TOPBP1: variants seen among roughly 807,000 people sequenced by gnomAD.
TOPBP1 encodes the protein DNA topoisomerase 2-binding protein 1.
A neutral mutation model predicts 167.7 loss-of-function variants in TOPBP1; 28 were observed. The observed-to-expected ratio is 0.17, with a 90% CI of 0.12 to 0.23. TOPBP1 has a LOEUF of 0.23. TOPBP1 is among the 10% of genes least tolerant of loss of function. TOPBP1 has a pLI of 1.00. For missense variants in TOPBP1, 1,554 were observed against 1,809.6 expected (o/e 0.86, Z 2.56); for synonymous variants, 598 against 611.4 (o/e 0.98, Z 0.32).
intron 12 of TOPBP1, among the ~76,000 whole-genome samples, chr3:133,641,843 A>G (rs1300552761): frequency 1.3e-5 from 2 of 152,216 alleles, no homozygotes; most frequent in African/African-American, 4.8e-5. Context: ...AAACAGCAAA[A>G]AAAGAAATAT....
intron 19 of TOPBP1, among the ~76,000 whole-genome samples, chr3:133,620,899 C>T (rs1490030760): frequency 2.0e-5 from 3 of 151,952 alleles, no homozygotes; most frequent in Non-Finnish European, 4.4e-5. Context: ...TTCATCAAGA[C>T]CTGTAGTGAT....
Position 133,649,773 on chromosome 3 carries a change from A to G in TOPBP1, c.1253+7T>C. ...AGAAATTGCTTTGAATTAAAAACGA[A>G]AAAAACCTGTGGGCTGATTTATTCC... On this transcript the variant is annotated splice_region_variant and intron_variant, in intron 9 of 27. Transcript: ENST00000260810. The G allele has an allele frequency of 6.3e-7, 1 of 1,585,146 alleles. No homozygotes were observed. The highest frequency in any genetic ancestry group is 1.7e-4 in the Middle Eastern group (1 of 5,878).
intron 3 of TOPBP1, among the ~76,000 whole-genome samples, chr3:133,658,650 A>C (rs1231181529): frequency 6.6e-6 from 1 of 152,034 alleles, no homozygotes. Context: ...CTCTACTAAA[A>C]ATAAAAAAAT....
At chr3:133,619,133 C>CA (rs748052520) in intron 20 of TOPBP1, among the ~76,000 whole-genome samples, 2 of 115,666 alleles carry the variant, frequency 1.7e-5, no homozygotes, top group African/African-American at 2.9e-5. Flanking sequence ...AAACAAAAAA[C>CA]AAAAAACAAA....
chr3:133,616,708 T>C (rs1431539148), intron 23 of TOPBP1, 106 bp downstream of exon 23: 2 of 620,764 alleles, frequency 3.2e-6, no homozygotes, highest in Non-Finnish European at 5.1e-6. Context: ...CCCATGTTCT[T>C]TTCCTCTACT....
intron 20 of TOPBP1, among the ~76,000 whole-genome samples, chr3:133,618,884 T>G (rs1249373456): frequency 1.3e-5 from 2 of 152,134 alleles, no homozygotes; most frequent in African/African-American, 4.8e-5. Flanking sequence ...CATGGGAGGC[T>G]TGCTGTAAAG....
At chr3:133,630,580 G>A (rs1217571943) in intron 14 of TOPBP1, among the ~76,000 whole-genome samples, 4 of 151,594 alleles carry the variant, frequency 2.6e-5, no homozygotes, top group Admixed American at 6.6e-5. Flanking sequence ...TTACAGGTGT[G>A]AGTCACGGTG....
intron 14 of TOPBP1, among the ~76,000 whole-genome samples, chr3:133,634,233 G>C (rs1002837857): frequency 6.6e-6 from 1 of 152,238 alleles, no homozygotes; most frequent in African/African-American, 2.4e-5. Context: ...AAAAGGCCAG[G>C]TGTTGTGGCT....
chr3:133,635,038 G>A (rs945636164), intron 14 of TOPBP1, among the ~76,000 whole-genome samples: 1 of 152,134 alleles, frequency 6.6e-6, no homozygotes, highest in Non-Finnish European at 1.5e-5. Flanking sequence ...CAATTAGTGG[G>A]AGTCAAAAAT....
chr3:133,615,712 A>G (rs896618823), intron 23 of TOPBP1, among the ~76,000 whole-genome samples: 2 of 152,158 alleles, frequency 1.3e-5, no homozygotes, highest in African/African-American at 4.8e-5. Flanking sequence ...AAACTCACTG[A>G]TATTTTATCT....
chr3:133,623,024 A>T, intron 19 of TOPBP1, 67 bp downstream of exon 19: 1 of 897,154 alleles, frequency 1.1e-6, no homozygotes, highest in Non-Finnish European at 1.7e-6. Flanking sequence ...ACAAGACCCC[A>T]TCTCCACAAA....
chr3:133,618,152 T>C (rs747466077), intron 21 of TOPBP1, 61 bp downstream of exon 21: 1 of 1,398,462 alleles, frequency 7.2e-7, no homozygotes, highest in Non-Finnish European at 1.0e-6. Context: ...CTCATCTGTT[T>C]ATTTTTAAGA....
rs1480847341 is a variant in TOPBP1, at chr3:133,638,098, A to G, written c.2298T>C (p.Pro766=). 1 of 1,614,036 alleles carries G rather than the reference A, an allele frequency of 6.2e-7. No individual in the cohort carries two copies. The highest frequency in any genetic ancestry group is 1.1e-5 in the South Asian group (1 of 91,090). ...INLNSDTAEH[P]GTRLQTHRKT... ...TTCTGTGAGTTTGCAGGCGTGTGCC[A>G]GGATGCTCTGCAGTATCTGAATTTA... The change falls in exon 14 of 28, where the codon CCT becomes CCC. Residue 766 remains proline, a synonymous_variant. Transcript: ENST00000260810.
At chr3:133,615,862 C>T (rs975909011) in intron 23 of TOPBP1, among the ~76,000 whole-genome samples, 2 of 152,128 alleles carry the variant, frequency 1.3e-5, no homozygotes, top group African/African-American at 4.8e-5. Context: ...CTACCTCAGC[C>T]CCCCAAAGTC....
At chr3:133,640,309 ATC>A in intron 12 of TOPBP1, 139 bp from the exon 13 acceptor site, 1 of 723,468 alleles carries the variant, frequency 1.4e-6, no homozygotes. Context: ...GGTTTACTCT[ATC>A]TGAAATTAAG....
chr3:133,623,339 G>A lies in TOPBP1; in HGVS notation c.3047C>T (p.Ser1016Leu). 2 of 1,613,706 alleles carry A rather than the reference G, an allele frequency of 1.2e-6. No individual in the cohort carries two copies. The highest frequency in any genetic ancestry group is 1.7e-6 in the Non-Finnish European group (2 of 1,179,790). ...ATCATCCTTTGTTGAAGACACAGCT[G>A]AGAGTAGTCGACTATTACAGAGCCG... is the stretch of plus-strand genomic sequence containing the variant. ...DGRLCNSRLL[S>L]AVSSTKDDEP... Residue 1016 changes from serine (S) to leucine (L), a missense_variant, in exon 18 of 28, where the codon TCA (serine) becomes TTA (leucine). This residue lies in a region of TOPBP1 where 1,197 missense variants were observed against 1,351.5 expected (regional missense o/e 0.89). Coordinates refer to ENST00000260810, the MANE Select transcript of TOPBP1 (RefSeq NM_007027.4).
At chr3:133,613,483 T>C (rs1057164338) in intron 23 of TOPBP1, among the ~76,000 whole-genome samples, 4 of 152,072 alleles carry the variant, frequency 2.6e-5, no homozygotes, top group Admixed American at 1.3e-4. Flanking sequence ...ACCAGGGAGA[T>C]GGAAGTAAGA....
chr3:133,637,836 T>G, intron 14 of TOPBP1, 40 bp downstream of exon 14: 1 of 1,595,402 alleles, frequency 6.3e-7, no homozygotes, highest in Non-Finnish European at 8.6e-7. Context: ...TTATAAACGG[T>G]AAAACTGTTA....
At chr3:133,637,820 T>G (rs1935728415) in intron 14 of TOPBP1, 56 bp downstream of exon 14, 1 of 1,570,398 alleles carries the variant, frequency 6.4e-7, no homozygotes, top group African/African-American at 1.4e-5. Context: ...ATTTGGTGCT[T>G]TAACTTTATA....
Sources: gnomAD v4.1 joint callset for allele counts (sites outside exome capture counted in the v4.1 genomes callset) on GRCh38, gnomAD v4.1.1 for gene constraint, gnomAD v4.1.1 regional missense constraint, MANE v1.5 for transcripts, NCBI Gene and HGNC (gene_info 2026-07-23, HGNC 2026-07-21) for gene names.